PTPRK: variants seen among roughly 807,000 people sequenced by gnomAD.
The protein encoded by PTPRK is receptor-type tyrosine-protein phosphatase kappa.
A neutral mutation model predicts 178.0 loss-of-function variants in PTPRK; 75 were observed. The observed-to-expected ratio is 0.42, with a 90% confidence interval of 0.35 to 0.51. The LOEUF (loss-of-function observed/expected upper bound fraction) is 0.51, where lower values mean the gene tolerates loss of function less well. Ranked by LOEUF, PTPRK falls within the 20% of genes least tolerant of loss-of-function variation. PTPRK has a pLI of 0.02. For missense variants in PTPRK, 1,441 were observed against 1,797.8 expected (o/e 0.80, Z 3.59); for synonymous variants, 637 against 620.6 (o/e 1.03, Z -0.39).
intron 1 of PTPRK, among the ~76,000 whole-genome samples, chr6:128,485,543 G>T (rs1276510484): frequency 6.6e-6 from 1 of 152,210 alleles, no homozygotes; most frequent in Non-Finnish European, 1.5e-5. Flanking sequence ...GAGACACAGA[G>T]ATAATGTGTC....
At chr6:128,405,632 T>C (rs1307908011) in intron 1 of PTPRK, among the ~76,000 whole-genome samples, 1 of 152,174 alleles carries the variant, frequency 6.6e-6, no homozygotes, top group Non-Finnish European at 1.5e-5. Context: ...TTTTGTTTTG[T>C]TTTGTTTCTC....
chr6:128,470,030 G>A (rs1006622794), intron 1 of PTPRK, among the ~76,000 whole-genome samples: 5 of 152,038 alleles, frequency 3.3e-5, no homozygotes, highest in Admixed American at 1.3e-4. Context: ...GTTGTTTTAC[G>A]CCGCTAACTT....
chr6:128,506,543 C>T (rs1004352796), intron 1 of PTPRK, among the ~76,000 whole-genome samples: 7 of 151,246 alleles, frequency 4.6e-5, no homozygotes, highest in African/African-American at 1.7e-4. Context: ...ACCTGTGGTC[C>T]CAGCAACTCT....
At chr6:128,033,921 A>G (rs964692858) in intron 13 of PTPRK, among the ~76,000 whole-genome samples, 1 of 152,172 alleles carries the variant, frequency 6.6e-6, no homozygotes, top group Non-Finnish European at 1.5e-5. Flanking sequence ...GGAATAGTTC[A>G]GTACACAACA....
At chr6:128,471,603 C>CT (rs1850662846) in intron 1 of PTPRK, among the ~76,000 whole-genome samples, 2 of 70,384 alleles carry the variant, frequency 2.8e-5, no homozygotes, top group Non-Finnish European at 5.4e-5. Flanking sequence ...ACAAAACAAC[C>CT]TAAAAAAAAA....
chr6:128,117,804 C>G (rs1270152199), intron 7 of PTPRK, among the ~76,000 whole-genome samples: 1 of 152,090 alleles, frequency 6.6e-6, no homozygotes, highest in Non-Finnish European at 1.5e-5. Flanking sequence ...AGGCGCCCAC[C>G]ACCATGCCCA....
At chr6:128,203,994 T>A (rs1159812209) in intron 6 of PTPRK, among the ~76,000 whole-genome samples, 1 of 152,124 alleles carries the variant, frequency 6.6e-6, no homozygotes, top group African/African-American at 2.4e-5. Context: ...TGAACAAAGC[T>A]GGAGGCATCA....
intron 1 of PTPRK, among the ~76,000 whole-genome samples, chr6:128,477,851 A>G (rs543770502): frequency 6.6e-6 from 1 of 152,218 alleles, no homozygotes; most frequent in South Asian, 2.1e-4. Context: ...TTTTCATAGG[A>G]CAGAAATAAG....
At chr6:128,235,950 T>C (rs1318133070) in intron 5 of PTPRK, among the ~76,000 whole-genome samples, 3 of 152,216 alleles carry the variant, frequency 2.0e-5, no homozygotes, top group African/African-American at 7.2e-5. Context: ...CTCACATTCA[T>C]ATAACTTTTA....
intron 3 of PTPRK, among the ~76,000 whole-genome samples, chr6:128,292,437 C>T (rs1823540042): frequency 6.6e-6 from 1 of 151,944 alleles, no homozygotes; most frequent in African/African-American, 2.4e-5. Context: ...ATTCTAATTG[C>T]AATTTTATCA....
At position 128,433,826 on chromosome 6, in the gene PTPRK, G is replaced by GTTT. The variant is rs563277558; in HGVS notation, c.101-36141_101-36139dup. ...GCTACCATGCCCAGCCTCTAACACTGTTTTTTTTTTTTTTTTACAGACATT... is the reference window on the plus strand; with the variant it reads ...GCTACCATGCCCAGCCTCTAACACTGTTTTTTTTTTTTTTTTTTTACAGACATT... On this transcript the variant is annotated intron_variant, in intron 1 of 29. Transcript: ENST00000368226. Among the ~76,000 whole-genome samples, 930 of 129,320 alleles carry GTTT rather than the reference G, an allele frequency of 7.2e-3. 10 individuals are homozygous for GTTT. Among genetic ancestry groups the GTTT allele is most frequent in the African/African-American group, 0.022 (774 of 35,002 alleles). The allele number at this position is 129,320 out of a possible 152,430, so 84.8% of individuals were successfully genotyped here. A position where few individuals can be genotyped will look rare whatever the true frequency, so the allele number is the denominator to read the frequency against.
intron 22 of PTPRK, 107 bp from the exon 23 acceptor site, chr6:127,983,484 A>G (rs983038734): frequency 1.6e-6 from 2 of 1,223,348 alleles, no homozygotes; most frequent in Non-Finnish European, 2.3e-6. Flanking sequence ...TTGATTTAAC[A>G]AACTGCAAGG....
intron 19 of PTPRK, 126 bp from the exon 20 acceptor site, chr6:127,991,517 G>T: frequency 5.7e-6 from 3 of 522,340 alleles, no homozygotes; most frequent in Non-Finnish European, 9.1e-6. Context: ...AAATGTCACT[G>T]AAAATACTTA....
intron 1 of PTPRK, among the ~76,000 whole-genome samples, chr6:128,517,725 C>T (rs766705128): frequency 6.6e-6 from 1 of 152,142 alleles, no homozygotes; most frequent in South Asian, 2.1e-4. Context: ...TCAAAATTTG[C>T]TTTTGAAGCT....
chr6:128,164,148 A>C (rs535592131), intron 7 of PTPRK, among the ~76,000 whole-genome samples: 1 of 151,460 alleles, frequency 6.6e-6, no homozygotes, highest in Non-Finnish European at 1.5e-5. Context: ...AACAGAAACT[A>C]TTACATAGCA....
intron 7 of PTPRK, among the ~76,000 whole-genome samples, chr6:128,119,196 A>T (rs2114386180): frequency 6.6e-6 from 1 of 152,074 alleles, no homozygotes; most frequent in East Asian, 1.9e-4. Context: ...AAACATACCT[A>T]AAAACATAAG....
At chr6:128,351,225 G>C (rs918356490) in intron 2 of PTPRK, among the ~76,000 whole-genome samples, 9 of 152,266 alleles carry the variant, frequency 5.9e-5, no homozygotes, top group African/African-American at 2.2e-4. Context: ...AAAATAAGCG[G>C]TGGTGATATA....
intron 2 of PTPRK, among the ~76,000 whole-genome samples, chr6:128,391,693 G>A (rs1464104954): frequency 1.3e-5 from 2 of 152,002 alleles, no homozygotes; most frequent in Non-Finnish European, 2.9e-5. Context: ...ACTGATCACT[G>A]TTCCCAGAGA....
intron 13 of PTPRK, among the ~76,000 whole-genome samples, chr6:128,034,320 A>C (rs529578210): frequency 2.6e-5 from 4 of 152,344 alleles, no homozygotes; most frequent in African/African-American, 7.2e-5. Context: ...GAAAAGCTAT[A>C]AGATGTATTC....
Sources: gnomAD v4.1 joint callset for allele counts (sites outside exome capture counted in the v4.1 genomes callset) on GRCh38, gnomAD v4.1.1 for gene constraint, MANE v1.5 for transcripts, NCBI Gene and HGNC (gene_info 2026-07-23, HGNC 2026-07-21) for gene names.